Variants in CFAP119 observed in about 807,000 individuals in gnomAD.
CFAP119 encodes the protein cilia- and flagella-associated protein 119.
At chr16:30,758,971 G>A in the CFAP119 span, 2 of 1,612,326 alleles carry the variant, frequency 1.2e-6, no homozygotes. Flanking sequence ...TTCTACACCT[G>A]CTCAGAGGGA....
At chr16:30,761,460 C>A in the CFAP119 span, 3 of 1,513,446 alleles carry the variant, frequency 2.0e-6, no homozygotes, top group Non-Finnish European at 2.7e-6. Context: ...ACGTCCCGAA[C>A]GTTAGTAAGC....
chr16:30,758,837 C>A, the CFAP119 span: 2 of 1,145,176 alleles, frequency 1.7e-6, no homozygotes, highest in South Asian at 3.2e-5. Context: ...GTGTGAGCCA[C>A]CACGCCTGGC....
At chr16:30,761,409 G>T in the CFAP119 span, 462 of 1,402,050 alleles carry the variant, frequency 3.3e-4, no homozygotes, top group Non-Finnish European at 3.7e-4. Flanking sequence ...AACCACCGGG[G>T]TCACACACCC....
At chr16:30,757,428 G>T in the CFAP119 span, 1 of 1,587,686 alleles carries the variant, frequency 6.3e-7, no homozygotes. Context: ...CAGGGTGCAG[G>T]GATGGTGCCA....
At chr16:30,759,609 G>T in the CFAP119 span, 1 of 1,614,120 alleles carries the variant, frequency 6.2e-7, no homozygotes, top group African/African-American at 1.3e-5. Flanking sequence ...GTGAGACCTT[G>T]TCTGGGGATG....
At chr16:30,761,209 C>T in the CFAP119 span, 2 of 1,613,880 alleles carry the variant, frequency 1.2e-6, no homozygotes, top group African/African-American at 2.7e-5. Context: ...ACATGCAGAT[C>T]CGGGGTCGGG....
At chr16:30,761,300 G>A in the CFAP119 span, 1 of 1,601,020 alleles carries the variant, frequency 6.2e-7, no homozygotes, top group Non-Finnish European at 8.6e-7. Context: ...CAGCAGGCCG[G>A]AGAAGCCGCT....
the CFAP119 span, chr16:30,760,688 A>G: frequency 7.7e-6 from 12 of 1,550,320 alleles, no homozygotes; most frequent in African/African-American, 2.7e-5. Flanking sequence ...TAAAAGAAAA[A>G]GAGTATTGGT....
the CFAP119 span, chr16:30,759,815 G>A: frequency 2.6e-6 from 4 of 1,510,198 alleles, no homozygotes; most frequent in South Asian, 4.1e-5. Flanking sequence ...ATGAGCTTCA[G>A]AAGCAGACAG....
chr16:30,760,594 CT>C, the CFAP119 span: 1 of 1,556,004 alleles, frequency 6.4e-7, no homozygotes, highest in Non-Finnish European at 8.7e-7. Flanking sequence ...CCACGCCCCC[CT>C]CAGTCCCTAC....
chr16:30,761,336 C>T, the CFAP119 span: 7 of 1,532,460 alleles, frequency 4.6e-6, no homozygotes, highest in Admixed American at 1.7e-5. Flanking sequence ...ATCTCAAGGA[C>T]TAAGGAGAGG....
the CFAP119 span, chr16:30,757,577 C>T: frequency 1.9e-6 from 3 of 1,614,198 alleles, no homozygotes; most frequent in South Asian, 1.1e-5. Flanking sequence ...TTGAGCCGCT[C>T]CTCCACCAGC....
chr16:30,761,213 G>T, the CFAP119 span: 6 of 1,614,042 alleles, frequency 3.7e-6, no homozygotes, highest in Non-Finnish European at 5.1e-6. Flanking sequence ...GCAGATCCGG[G>T]GTCGGGGCAG....
chr16:30,761,230 C>G, the CFAP119 span: 1 of 1,613,622 alleles, frequency 6.2e-7, no homozygotes, highest in African/African-American at 1.3e-5. Flanking sequence ...GCAGCGGCGG[C>G]TGCGGAAAGA....
At chr16:30,759,684 G>C in the CFAP119 span, 4 of 1,613,954 alleles carry the variant, frequency 2.5e-6, no homozygotes, top group Non-Finnish European at 3.4e-6. Context: ...GGACACTGGT[G>C]AAGTAGCGGT....
the CFAP119 span, chr16:30,760,618 G>A: frequency 6.4e-7 from 1 of 1,557,714 alleles, no homozygotes; most frequent in Non-Finnish European, 8.7e-7. Context: ...CCTCATCTCA[G>A]CATTGGTGGT....
the CFAP119 span, chr16:30,758,934 A>T: frequency 8.3e-6 from 13 of 1,559,024 alleles, no homozygotes; most frequent in Non-Finnish European, 1.1e-5. Flanking sequence ...AAAAAGTCTG[A>T]AGTCCTGATG....
the CFAP119 span, chr16:30,758,750 T>TC: frequency 1.8e-5 from 9 of 512,482 alleles, no homozygotes; most frequent in Non-Finnish European, 3.1e-5. Context: ...ATAGGGGGTT[T>TC]CACGGTGTTG....
At chr16:30,759,375 G>A in the CFAP119 span, 1 of 1,614,250 alleles carries the variant, frequency 6.2e-7, no homozygotes, top group South Asian at 1.1e-5. Flanking sequence ...AGAGCTTGAA[G>A]TGGCGGAAGT....
Sources: allele counts gnomAD v4.1 joint callset, GRCh38; gene constraint gnomAD v4.1.1; transcripts MANE v1.5; gene names NCBI Gene and HGNC (gene_info 2026-07-23, HGNC 2026-07-21).